The following CAPZB variants were observed in gnomAD, a reference collection of about 807,000 sequenced individuals.
The protein encoded by CAPZB is capping actin protein of muscle Z-line subunit beta, also known as F-actin-capping protein subunit beta.
In CAPZB, 2 loss-of-function variants were observed where a neutral mutation model predicts 38.1. That is an observed-to-expected ratio of 0.05 (90% CI 0.02 to 0.17). The LOEUF (loss-of-function observed/expected upper bound fraction) is 0.17. Among genes scored for constraint, CAPZB ranks in the 10% least tolerant of loss-of-function variants. The pLI, the probability that CAPZB is intolerant of heterozygous loss-of-function variation, is 1.00. For synonymous variants in CAPZB, 107 were observed against 127.4 expected (o/e 0.84, Z 1.08); for missense variants, 161 against 334.2 (o/e 0.48, Z 4.04).
intron 1 of CAPZB, among the ~76,000 whole-genome samples, chr1:19,460,332 T>C (rs1036279849): frequency 3.3e-5 from 5 of 152,290 alleles, no homozygotes; most frequent in African/African-American, 9.6e-5. Context: ...GCTACAGCAC[T>C]GTGGCGCGAT....
intron 1 of CAPZB, among the ~76,000 whole-genome samples, chr1:19,444,156 T>C (rs893471446): frequency 2.8e-5 from 4 of 142,016 alleles, no homozygotes; most frequent in Non-Finnish European, 6.4e-5. Context: ...AGACTCCGTC[T>C]CAAGGAAAAA....
chr1:19,411,739 G>C (rs543448298), intron 2 of CAPZB, among the ~76,000 whole-genome samples: 74 of 152,252 alleles, frequency 4.9e-4, no homozygotes, highest in Non-Finnish European at 8.5e-4. Context: ...ATCACTTCTG[G>C]CCAAATCTAT....
intron 1 of CAPZB, among the ~76,000 whole-genome samples, chr1:19,456,075 C>T (rs11591195): frequency 0.18 from 27,999 of 152,172 alleles, 2,855 homozygotes; most frequent in South Asian, 0.29. Context: ...TCATGTCTGG[C>T]TAATTTTTGC....
intron 1 of CAPZB, among the ~76,000 whole-genome samples, chr1:19,458,644 C>T (rs1047489863): frequency 1.3e-5 from 2 of 152,252 alleles, no homozygotes; most frequent in Admixed American, 1.3e-4. Flanking sequence ...GCGTGAGCCA[C>T]CATGCCCAGC....
intron 6 of CAPZB, among the ~76,000 whole-genome samples, chr1:19,346,212 C>A (rs575490443): frequency 6.6e-6 from 1 of 151,828 alleles, no homozygotes; most frequent in African/African-American, 2.4e-5. Context: ...TACGCAGCTA[C>A]GATGACTAAT....
At chr1:19,452,838 C>T (rs944278933) in intron 1 of CAPZB, among the ~76,000 whole-genome samples, 2 of 140,296 alleles carry the variant, frequency 1.4e-5, no homozygotes, top group Non-Finnish European at 3.0e-5. Flanking sequence ...GAGTCTCACT[C>T]TGTCGCCCAG....
intron 1 of CAPZB, among the ~76,000 whole-genome samples, chr1:19,456,643 C>A (rs999776094): frequency 6.6e-6 from 1 of 152,174 alleles, no homozygotes. Flanking sequence ...CCCAGCCTGT[C>A]TTTAAGGATC....
intron 1 of CAPZB, among the ~76,000 whole-genome samples, chr1:19,453,179 T>C (rs11590840): frequency 0.26 from 39,475 of 152,088 alleles, 5,180 homozygotes; most frequent in Non-Finnish European, 0.27. Flanking sequence ...CTTGTGACTG[T>C]TAGACTTACA....
intron 1 of CAPZB, among the ~76,000 whole-genome samples, chr1:19,471,506 C>T (rs1380831972): frequency 6.6e-6 from 1 of 152,136 alleles, no homozygotes; most frequent in African/African-American, 2.4e-5. Context: ...TTCTGACAAT[C>T]AGTCACGTGA....
chr1:19,447,421 G>C (rs2100676552), intron 1 of CAPZB, among the ~76,000 whole-genome samples: 1 of 139,474 alleles, frequency 7.2e-6, no homozygotes, highest in South Asian at 2.3e-4. Flanking sequence ...TTTTAGTAGA[G>C]ATGGGGTTTC....
At chr1:19,413,239 G>A (rs1355294366) in intron 2 of CAPZB, among the ~76,000 whole-genome samples, 3 of 152,226 alleles carry the variant, frequency 2.0e-5, no homozygotes, top group African/African-American at 4.8e-5. Flanking sequence ...CTTCTTCCCA[G>A]AATTAAACAC....
chr1:19,404,564 AG>A (rs1168996834), intron 2 of CAPZB, among the ~76,000 whole-genome samples: 3 of 142,736 alleles, frequency 2.1e-5, no homozygotes, highest in Non-Finnish European at 3.1e-5. Flanking sequence ...AAAAAAAAAA[AG>A]AGGTAATGGG....
chr1:19,381,948 G>A (rs556701802), intron 3 of CAPZB, among the ~76,000 whole-genome samples: 2 of 152,202 alleles, frequency 1.3e-5, no homozygotes, highest in African/African-American at 4.8e-5. Flanking sequence ...TCTGCTGGCC[G>A]GGGGAGTGGA....
At chr1:19,424,118 A>T (rs888130400) in intron 1 of CAPZB, among the ~76,000 whole-genome samples, 2 of 151,606 alleles carry the variant, frequency 1.3e-5, no homozygotes, top group Admixed American at 1.3e-4. Flanking sequence ...GGCCATGAAC[A>T]CTCTTATTAT....
At chr1:19,388,614 AAG>A (rs1169456012) in intron 2 of CAPZB, among the ~76,000 whole-genome samples, 1 of 152,212 alleles carries the variant, frequency 6.6e-6, no homozygotes, top group African/African-American at 2.4e-5. Context: ...GCACTGAACA[AAG>A]AGAACCGGAG....
In CAPZB at chr1:19,356,892, C is replaced by T. The variant is rs931354015; in HGVS notation, c.472-141G>A. The stretch of plus-strand genomic sequence containing the variant: ...TTTTTTTAAATTGGAGACAAAGTCT[C>T]GCTCTGTCACCCAGGCTGGAGTGCA... On this transcript the variant is annotated intron_variant, in intron 5 of 8. Transcript: ENST00000264202. This position sits in a 1 kb window ranked among gnomAD's most constrained non-coding sequence, Gnocchi z 4.3. The T allele has an allele frequency of 1.6e-4, 104 of 643,656 alleles. No homozygotes were observed. Among genetic ancestry groups the T allele is most frequent in the Non-Finnish European group, 3.0e-5 (11 of 363,732 alleles). The allele number at this position is 643,656 out of a possible 1,614,324, so 39.9% of individuals were successfully genotyped here. A position where few individuals can be genotyped will look rare whatever the true frequency, so the allele number is the denominator to read the frequency against.
intron 1 of CAPZB, among the ~76,000 whole-genome samples, chr1:19,467,578 C>T (rs770879806): frequency 6.6e-6 from 1 of 152,196 alleles, no homozygotes; most frequent in African/African-American, 2.4e-5. Context: ...CTTTAACACC[C>T]GCCCTGAGAC....
At chr1:19,450,441 A>T (rs867991319) in intron 1 of CAPZB, among the ~76,000 whole-genome samples, 19 of 152,146 alleles carry the variant, frequency 1.2e-4, no homozygotes, top group Admixed American at 3.3e-4. Context: ...TGGGTTTTAA[A>T]TTTTCACATT....
chr1:19,435,254 T>A (rs2094454616), intron 1 of CAPZB, among the ~76,000 whole-genome samples: 1 of 152,212 alleles, frequency 6.6e-6, no homozygotes, highest in Admixed American at 6.5e-5. Flanking sequence ...AAGACATATT[T>A]CGCAAGCTCA....
Sources: gnomAD v4.1 joint callset for allele counts (sites outside exome capture counted in the v4.1 genomes callset) on GRCh38, gnomAD v4.1.1 for gene constraint, Gnocchi (gnomAD v3.1) non-coding constraint, MANE v1.5 for transcripts, NCBI Gene and HGNC (gene_info 2026-07-23, HGNC 2026-07-21) for gene names.